Variants in RANBP2 observed in about 807,000 individuals in gnomAD.
The protein encoded by RANBP2 is E3 SUMO-protein ligase RanBP2.
RANBP2 carries 57 observed loss-of-function variants against 303.6 expected under a neutral mutation model. The ratio of observed to expected loss-of-function variants is 0.19; its 90% CI spans 0.15 to 0.23. The LOEUF (loss-of-function observed/expected upper bound fraction) is 0.23, where lower values mean the gene tolerates loss of function less well. Among genes scored for constraint, RANBP2 ranks in the 10% least tolerant of loss-of-function variants. RANBP2 has a pLI of 1.00. For synonymous variants in RANBP2, 1,167 were observed against 1,301.5 expected, an observed-to-expected ratio of 0.90 and a Z score of 2.23; for missense variants, 3,138 against 3,780.8, an observed-to-expected ratio of 0.83 and a Z score of 4.46.
At chr2:109,245,271 T>TA in the RANBP2 span, among the ~76,000 whole-genome samples, 1 of 151,576 alleles carries the variant, frequency 6.6e-6, no homozygotes, top group South Asian at 2.1e-4. Context: ...GAGACAGGAG[T>TA]AGAGCTGTCT....
chr2:109,166,228 C>T, the RANBP2 span, among the ~76,000 whole-genome samples: 2 of 152,142 alleles, frequency 1.3e-5, no homozygotes, highest in Non-Finnish European at 2.9e-5. Context: ...CCTGTCATCC[C>T]AGCACTTTGG....
the RANBP2 span, among the ~76,000 whole-genome samples, chr2:109,035,088 T>A: frequency 6.6e-6 from 1 of 152,138 alleles, no homozygotes; most frequent in Non-Finnish European, 1.5e-5. Context: ...GATTGGACTA[T>A]CCAGAAGGAT....
the RANBP2 span, chr2:109,615,823 C>A: frequency 2.5e-6 from 4 of 1,614,042 alleles, no homozygotes; most frequent in Non-Finnish European, 3.4e-6. Flanking sequence ...CACCACTCGG[C>A]TGAGGGGTGG....
chr2:109,359,035 T>G, the RANBP2 span, among the ~76,000 whole-genome samples: 1 of 152,252 alleles, frequency 6.6e-6, no homozygotes, highest in Non-Finnish European at 1.5e-5. Context: ...TTTTAAAAAC[T>G]ATCTTTTCTC....
chr2:109,350,620 A>G, the RANBP2 span, among the ~76,000 whole-genome samples: 1 of 152,224 alleles, frequency 6.6e-6, no homozygotes, highest in Non-Finnish European at 1.5e-5. Flanking sequence ...TCCAAGAGAC[A>G]TGGGCAACTC....
At chr2:109,126,534 A>C in the RANBP2 span, among the ~76,000 whole-genome samples, 10 of 152,214 alleles carry the variant, frequency 6.6e-5, no homozygotes, top group Admixed American at 5.9e-4. Flanking sequence ...CCACTGGTCC[A>C]TACTAGTGAT....
chr2:108,898,383 G>T, the RANBP2 span, among the ~76,000 whole-genome samples: 4 of 152,168 alleles, frequency 2.6e-5, no homozygotes, highest in Admixed American at 1.3e-4. Context: ...TGTTAGTGAA[G>T]GTTGAGTGGG....
At chr2:108,863,182 C>T in the RANBP2 span, among the ~76,000 whole-genome samples, 1 of 151,996 alleles carries the variant, frequency 6.6e-6, no homozygotes, top group Admixed American at 6.6e-5. Context: ...TAAATTTATT[C>T]AATCGTTCTA....
the RANBP2 span, among the ~76,000 whole-genome samples, chr2:108,800,638 T>TTTTTTTTTTTTTA: frequency 1.9e-4 from 14 of 73,772 alleles, 1 homozygote; most frequent in Non-Finnish European, 1.9e-4. Context: ...TTTTTTTTTT[T>TTTTTTTTTTTTTA]AATTATACTT....
At chr2:109,298,574 G>T in the RANBP2 span, among the ~76,000 whole-genome samples, 1 of 152,108 alleles carries the variant, frequency 6.6e-6, no homozygotes, top group Admixed American at 6.5e-5. Context: ...AGCCCTGCAG[G>T]AGGATGAGCC....
chr2:109,377,227 A>G, the RANBP2 span, among the ~76,000 whole-genome samples: 9 of 152,152 alleles, frequency 5.9e-5, no homozygotes, highest in Admixed American at 5.9e-4. Flanking sequence ...GCTAATAAGA[A>G]GTGTGAAGCC....
the RANBP2 span, among the ~76,000 whole-genome samples, chr2:109,555,373 C>T: frequency 6.6e-6 from 1 of 152,252 alleles, no homozygotes; most frequent in African/African-American, 2.4e-5. Context: ...CAGTTTGTGG[C>T]CACTGTCCAC....
chr2:109,375,219 C>T, the RANBP2 span, among the ~76,000 whole-genome samples: 5 of 152,266 alleles, frequency 3.3e-5, no homozygotes, highest in African/African-American at 1.2e-4. Context: ...CACTCCCTGC[C>T]CAGCTCTTCT....
the RANBP2 span, among the ~76,000 whole-genome samples, chr2:109,069,002 C>T: frequency 6.6e-6 from 1 of 152,194 alleles, no homozygotes; most frequent in African/African-American, 2.4e-5. Flanking sequence ...CCATATGGCA[C>T]TCCTCCCTTA....
At chr2:109,323,738 G>T in the RANBP2 span, among the ~76,000 whole-genome samples, 3 of 152,224 alleles carry the variant, frequency 2.0e-5, no homozygotes. Context: ...GAGTGGGCAT[G>T]AGGATGCTTC....
the RANBP2 span, among the ~76,000 whole-genome samples, chr2:108,945,326 G>A: frequency 6.6e-6 from 1 of 152,156 alleles, no homozygotes; most frequent in South Asian, 2.1e-4. Flanking sequence ...CACTACTCCA[G>A]CAGTTCCAAG....
chr2:109,337,514 A>C, the RANBP2 span, among the ~76,000 whole-genome samples: 1 of 152,008 alleles, frequency 6.6e-6, no homozygotes, highest in African/African-American at 2.4e-5. Context: ...TCCTGGAGGC[A>C]CCCCCGGTCA....
At chr2:109,384,191 G>A in the RANBP2 span, among the ~76,000 whole-genome samples, 11 of 152,250 alleles carry the variant, frequency 7.2e-5, no homozygotes, top group East Asian at 1.5e-3. Context: ...CTTAAGCGCC[G>A]GCTGCGGGCC....
chr2:108,973,384 G>C, the RANBP2 span, among the ~76,000 whole-genome samples: 1 of 152,252 alleles, frequency 6.6e-6, no homozygotes, highest in Admixed American at 6.5e-5. Flanking sequence ...GCGGTGCAGA[G>C]AGAGTGTCCG....
Sources: gnomAD v4.1 joint callset for allele counts (sites outside exome capture counted in the v4.1 genomes callset) on GRCh38, gnomAD v4.1.1 for gene constraint, MANE v1.5 for transcripts, NCBI Gene and HGNC (gene_info 2026-07-23, HGNC 2026-07-21) for gene names.